PCDH15: variants seen among roughly 807,000 people sequenced by gnomAD.
PCDH15 encodes the protein protocadherin-15.
Under a neutral mutation model 178.5 loss-of-function variants are expected in PCDH15, and 129 were observed. The ratio of observed to expected loss-of-function variants is 0.72; its 90% CI spans 0.63 to 0.84. The LOEUF (loss-of-function observed/expected upper bound fraction) is 0.84. PCDH15 is among the 40% of genes least tolerant of loss of function. The probability of loss-of-function intolerance (pLI) is 0.00; values close to 1 mark genes in which losing one functional copy is unlikely to be tolerated. For synonymous variants in PCDH15, 800 were observed against 732.0 expected (o/e 1.09, Z -1.50); for missense variants, 2,230 against 2,099.9 (o/e 1.06, Z -1.21).
At chr10:54,460,614 G>A (rs1031563518) in intron 3 of PCDH15, among the ~76,000 whole-genome samples, 16 of 151,998 alleles carry the variant, frequency 1.1e-4, no homozygotes, top group African/African-American at 3.9e-4. Flanking sequence ...TGAGAGACAT[G>A]TATTTGGTAT....
intron 3 of PCDH15, among the ~76,000 whole-genome samples, chr10:54,523,724 T>G (rs2083107765): frequency 6.6e-6 from 1 of 152,216 alleles, no homozygotes; most frequent in Admixed American, 6.5e-5. Context: ...TTTATACTGT[T>G]GATTACTGCA....
At chr10:54,134,106 T>A (rs1282226093) in intron 14 of PCDH15, among the ~76,000 whole-genome samples, 1 of 135,006 alleles carries the variant, frequency 7.4e-6, no homozygotes, top group Non-Finnish European at 1.6e-5. Context: ...TGCAGTGGCA[T>A]GATCTTTGCT....
chr10:55,356,096 C>T (rs1175402965), intron 2 of PCDH15, among the ~76,000 whole-genome samples: 1 of 151,838 alleles, frequency 6.6e-6, no homozygotes, highest in African/African-American at 2.4e-5. Flanking sequence ...AATTCCGACA[C>T]AACTAATTAA....
At position 54,132,910 on chromosome 10, in the gene PCDH15, C is replaced by T. The variant is rs1234835810; in HGVS notation, c.1882G>A (p.Ala628Thr). 2 of 1,613,794 alleles carry T rather than the reference C, an allele frequency of 1.2e-6. No homozygotes were observed. The highest frequency in any genetic ancestry group is 1.7e-6 in the Non-Finnish European group (2 of 1,179,962). ...QLMYSLEISE[A>T]MRVGAVLLNL... ...AATAAAACAGCACCAACCCTCATGGCTTCACTAATTTCAAGGCTATACATC... is the reference window on the plus strand; with the variant it reads ...AATAAAACAGCACCAACCCTCATGGTTTCACTAATTTCAAGGCTATACATC... Residue 628 changes from alanine to threonine, a missense_variant, in exon 15 of 38, where the codon GCC (alanine) becomes ACC (threonine). Transcript: ENST00000644397.
chr10:54,707,255 C>T (rs1009330016), intron 1 of PCDH15, among the ~76,000 whole-genome samples: 9 of 152,080 alleles, frequency 5.9e-5, no homozygotes, highest in African/African-American at 2.2e-4. Flanking sequence ...TTGCAAACTC[C>T]AGGGACAGTA....
At chr10:53,928,411 G>T (rs2084760003) in intron 25 of PCDH15, among the ~76,000 whole-genome samples, 1 of 152,012 alleles carries the variant, frequency 6.6e-6, no homozygotes. Flanking sequence ...TCTTTAGCAA[G>T]TTATTACTTT....
At chr10:54,479,327 T>C (rs2078525652) in intron 3 of PCDH15, among the ~76,000 whole-genome samples, 3 of 152,006 alleles carry the variant, frequency 2.0e-5, no homozygotes, top group African/African-American at 7.2e-5. Context: ...CATGTCTGGT[T>C]TGGAGAGTAA....
At chr10:54,114,845 T>A (rs2095085875) in intron 15 of PCDH15, among the ~76,000 whole-genome samples, 1 of 152,110 alleles carries the variant, frequency 6.6e-6, no homozygotes, top group Admixed American at 6.5e-5. Flanking sequence ...TCAGTAAGGC[T>A]AGAGTGGAAT....
rs1260272643 is a variant in PCDH15 at position 53,820,194 on chromosome 10, T to C, written c.4404A>G (p.Arg1468=). Residue 1468 remains arginine, a synonymous_variant, in exon 33 of 38, where the codon AGA becomes AGG. Coordinates refer to ENST00000644397, the MANE Select transcript of PCDH15 (RefSeq NM_001384140.1). ...TCAGAGTCCGCCAAATAGCACAAGT[T>C]CTCATGCATATGACCAGCTGCCAAC... ...SFCWQLVICM[R]TCAIWRTLTR... is the part of the protein sequence containing the mutation. The C allele has an allele frequency of 5.0e-6, 2 of 397,778 alleles. No homozygotes were observed. The highest frequency in any genetic ancestry group is 8.9e-6 in the Non-Finnish European group (2 of 225,508). 24.6% of individuals were successfully genotyped at this position (397,778 alleles called of 1,614,324 possible). A position where few individuals can be genotyped will look rare whatever the true frequency, so the allele number is the denominator to read the frequency against.
chr10:55,579,512 G>A (rs1466160014), intron 2 of PCDH15, among the ~76,000 whole-genome samples: 1 of 152,042 alleles, frequency 6.6e-6, no homozygotes, highest in Non-Finnish European at 1.5e-5. Context: ...ATTTCTTTAA[G>A]TGACTTTCTG....
intron 2 of PCDH15, among the ~76,000 whole-genome samples, chr10:55,101,708 C>T (rs1367350061): frequency 6.6e-6 from 1 of 151,138 alleles, no homozygotes; most frequent in Non-Finnish European, 1.5e-5. Context: ...CAATGTGATA[C>T]AATAGTATAG....
chr10:54,398,231 T>TA (rs111478385), intron 3 of PCDH15, among the ~76,000 whole-genome samples: 9 of 151,154 alleles, frequency 6.0e-5, no homozygotes, highest in East Asian at 1.9e-4. Context: ...CTTGCTTGTT[T>TA]AAAAAAAAAT....
intron 26 of PCDH15, among the ~76,000 whole-genome samples, chr10:53,882,882 TG>T (rs57697508): frequency 0.011 from 1,622 of 152,320 alleles, 36 homozygotes; most frequent in African/African-American, 0.037. Flanking sequence ...TCTTTTATAA[TG>T]TGTTTAATAT....
chr10:54,845,295 GT>G (rs1322329007), intron 3 of PCDH15, among the ~76,000 whole-genome samples: 1 of 151,926 alleles, frequency 6.6e-6, no homozygotes, highest in Non-Finnish European at 1.5e-5. Flanking sequence ...AAAACTAAGG[GT>G]TTTCTGGCTT....
intron 14 of PCDH15, among the ~76,000 whole-genome samples, chr10:54,139,085 T>C (rs2043147400): frequency 6.6e-6 from 1 of 152,182 alleles, no homozygotes; most frequent in Non-Finnish European, 1.5e-5. Context: ...CTGAGTTTTA[T>C]ATATGTCTCT....
intron 15 of PCDH15, among the ~76,000 whole-genome samples, chr10:54,127,047 T>C (rs1177718594): frequency 6.6e-6 from 1 of 152,154 alleles, no homozygotes; most frequent in East Asian, 1.9e-4. Flanking sequence ...TTGTTTTCAC[T>C]ACCACTCATT....
At chr10:54,385,680 T>C (rs1408374231) in intron 3 of PCDH15, among the ~76,000 whole-genome samples, 5 of 152,194 alleles carry the variant, frequency 3.3e-5, no homozygotes, top group Non-Finnish European at 1.5e-5. Context: ...TAAAGTACTC[T>C]CTAACTGCAA....
chr10:54,888,965 G>A lies in PCDH15; in HGVS notation c.-29+8485C>T, dbSNP rs369986630. On this transcript the variant is annotated intron_variant, in intron 3 of 5. Transcript: ENST00000458638. Reference sequence around the variant, plus strand: ...ATACAATTAGAAATTGTTCTATCTCGTTAAATGTTCCATGAGGTGCATTTG... The same window carrying A: ...ATACAATTAGAAATTGTTCTATCTCATTAAATGTTCCATGAGGTGCATTTG... Among the ~76,000 whole-genome samples the A allele has an allele frequency of 2.0e-3, 303 of 151,364 alleles. 16 individuals carry two copies. In the South Asian group the frequency reaches 0.061, roughly 30 times the overall value.
At chr10:54,322,316 C>A (rs909267039) in intron 7 of PCDH15, among the ~76,000 whole-genome samples, 15 of 151,820 alleles carry the variant, frequency 9.9e-5, no homozygotes, top group African/African-American at 3.4e-4. Flanking sequence ...GATCTCCTTT[C>A]TTCCCTTTCC....
Sources: gnomAD v4.1 joint callset for allele counts (sites outside exome capture counted in the v4.1 genomes callset) on GRCh38, gnomAD v4.1.1 for gene constraint, MANE v1.5 for transcripts, NCBI Gene and HGNC (gene_info 2026-07-23, HGNC 2026-07-21) for gene names.